The following ANKRD44 variants were observed in gnomAD, a reference collection of about 807,000 sequenced individuals.
The protein encoded by ANKRD44 is serine/threonine-protein phosphatase 6 regulatory ankyrin repeat subunit B.
In ANKRD44, 35 loss-of-function variants were observed where a neutral mutation model predicts 116.0. The ratio of observed to expected loss-of-function variants is 0.30; its 90% CI spans 0.23 to 0.40. ANKRD44 has a LOEUF of 0.40. Ranked by LOEUF, ANKRD44 falls within the 10% of genes least tolerant of loss-of-function variation. ANKRD44 has a pLI of 1.00. For missense variants in ANKRD44, 1,014 were observed against 1,242.6 expected, an observed-to-expected ratio of 0.82 and a Z score of 2.77; for synonymous variants, 435 against 461.8, an observed-to-expected ratio of 0.94 and a Z score of 0.74.
At chr2:197,094,480 T>C (rs10200931) in intron 10 of ANKRD44, among the ~76,000 whole-genome samples, 1 of 152,302 alleles carries the variant, frequency 6.6e-6, no homozygotes, top group East Asian at 1.9e-4. Flanking sequence ...TAATCAGCAG[T>C]ACATGAGTTT....
At chr2:196,991,899 A>G (rs2075924704) in intron 27 of ANKRD44, among the ~76,000 whole-genome samples, 1 of 152,168 alleles carries the variant, frequency 6.6e-6, no homozygotes, top group South Asian at 2.1e-4. Flanking sequence ...GCCTAACAGA[A>G]TATTTAAAAA....
At chr2:197,033,509 G>C (rs562836861) in intron 16 of ANKRD44, among the ~76,000 whole-genome samples, 3 of 152,252 alleles carry the variant, frequency 2.0e-5, no homozygotes, top group Admixed American at 6.5e-5. Flanking sequence ...AGCCAGTAAA[G>C]GACAGACTAG....
At chr2:196,979,554 C>CTTTTTTTTTTTTTTTTTTTTTTTTTT (rs71012942) in intron 21 of ANKRD44, among the ~76,000 whole-genome samples, 2 of 59,644 alleles carry the variant, frequency 3.4e-5, no homozygotes, top group Non-Finnish European at 6.0e-5. Flanking sequence ...AATAAGATGA[C>CTTTTTTTTTTTTTTTTTTTTTTTTTT]TTTTTTTTTT....
At chr2:196,989,717 T>C (rs532534002) in intron 27 of ANKRD44, 68 bp from the exon 28 acceptor site, 367 of 1,541,814 alleles carry the variant, frequency 2.4e-4, no homozygotes, top group Middle Eastern at 1.3e-3. Flanking sequence ...GGCAATCGGT[T>C]TTACATGCTA....
chr2:197,044,096 T>C (rs1021317831), intron 16 of ANKRD44, among the ~76,000 whole-genome samples: 1 of 152,242 alleles, frequency 6.6e-6, no homozygotes, highest in Non-Finnish European at 1.5e-5. Flanking sequence ...TTCTTGGAAT[T>C]TTATTTATTA....
intron 7 of ANKRD44, among the ~76,000 whole-genome samples, chr2:197,122,038 A>T (rs563007834): frequency 4.6e-5 from 7 of 152,232 alleles, no homozygotes; most frequent in Non-Finnish European, 8.8e-5. Context: ...CCGACACCTC[A>T]CCAGGTTGCA....
chr2:197,108,335 T>C (rs1343487677), intron 9 of ANKRD44, among the ~76,000 whole-genome samples: 1 of 152,236 alleles, frequency 6.6e-6, no homozygotes, highest in Non-Finnish European at 1.5e-5. Context: ...CTATGAACAC[T>C]TGGCTTTATC....
At chr2:197,080,693 C>T (rs2077773449) in intron 15 of ANKRD44, among the ~76,000 whole-genome samples, 1 of 152,232 alleles carries the variant, frequency 6.6e-6, no homozygotes, top group African/African-American at 2.4e-5. Context: ...GTCCCACAAC[C>T]TGCATTGGAG....
intron 1 of ANKRD44, among the ~76,000 whole-genome samples, chr2:197,279,235 G>GGGTC (rs1393509034): frequency 1.3e-5 from 2 of 152,128 alleles, no homozygotes; most frequent in Non-Finnish European, 2.9e-5. Flanking sequence ...AAAACTGTGA[G>GGGTC]GGTCAGTTCC....
chr2:197,248,572 G>GTATATATATATATATATA (rs1385952729), intron 1 of ANKRD44, among the ~76,000 whole-genome samples: 3 of 109,688 alleles, frequency 2.7e-5, no homozygotes, highest in African/African-American at 9.4e-5. Context: ...GTGTGTGTGT[G>GTATATATATATATATATA]TGTGTGTATA....
intron 22 of ANKRD44, 26 bp from the exon 23 acceptor site, chr2:197,000,528 A>G (rs771644752): frequency 6.4e-7 from 1 of 1,571,976 alleles, no homozygotes; most frequent in Non-Finnish European, 8.8e-7. Context: ...GTTTTAATGT[A>G]ACAATCTCAC....
intron 17 of ANKRD44, among the ~76,000 whole-genome samples, chr2:197,020,988 T>G (rs1280020689): frequency 1.3e-5 from 2 of 151,954 alleles, no homozygotes; most frequent in East Asian, 1.9e-4. Context: ...TGATGTTCCC[T>G]GCCCTGTGTC....
chr2:197,103,999 T>A (rs1230956211), intron 9 of ANKRD44, among the ~76,000 whole-genome samples: 3 of 152,194 alleles, frequency 2.0e-5, no homozygotes, highest in African/African-American at 4.8e-5. Flanking sequence ...ATCTAGAGAA[T>A]TTACTTAGCA....
chr2:196,981,278 C>T (rs1322133286), intron 21 of ANKRD44, among the ~76,000 whole-genome samples: 1 of 152,204 alleles, frequency 6.6e-6, no homozygotes, highest in Non-Finnish European at 1.5e-5. Flanking sequence ...ATTAAAAGCA[C>T]CACAGTTCCA....
intron 18 of ANKRD44, among the ~76,000 whole-genome samples, chr2:197,010,324 TTC>T (rs1007391098): frequency 2.6e-5 from 4 of 152,036 alleles, no homozygotes; most frequent in African/African-American, 9.7e-5. Context: ...AGGCGGCGCT[TTC>T]TCTGACTTCC....
intron 21 of ANKRD44, 56 bp from the exon 22 acceptor site, chr2:197,001,896 C>A: frequency 7.4e-7 from 1 of 1,349,032 alleles, no homozygotes; most frequent in South Asian, 1.2e-5. Flanking sequence ...TTGTTCAACC[C>A]AATCTGCTTT....
intron 1 of ANKRD44, among the ~76,000 whole-genome samples, chr2:197,189,115 T>C (rs769007936): frequency 6.6e-6 from 1 of 152,212 alleles, no homozygotes; most frequent in Non-Finnish European, 1.5e-5. Context: ...TATGTTGCTG[T>C]TTATTGCTAG....
chr2:197,300,697 T>C (rs1439934843), intron 1 of ANKRD44, among the ~76,000 whole-genome samples: 4 of 151,944 alleles, frequency 2.6e-5, no homozygotes, highest in African/African-American at 9.6e-5. Context: ...CTTGCCCAGA[T>C]GTGACTCCCA....
In ANKRD44 at chr2:197,088,816, C is replaced by G. The variant is rs772850802; in HGVS notation, c.1184-42G>C. 17 of 1,601,432 alleles carry G rather than the reference C, an allele frequency of 1.1e-5. No homozygotes were observed. The South Asian group carries it at 1.9e-4, about 18-fold the overall frequency. On this transcript the variant is annotated intron_variant, in intron 11 of 27. Coordinates refer to ENST00000282272, the MANE Select transcript of ANKRD44 (RefSeq NM_001195144.2). ...CTCATTACTAAACAAGGATACTATG[C>G]TATACTTTTGTCCTAGTTAAACCAC... is the stretch of plus-strand genomic sequence containing the variant.
Sources: gnomAD v4.1 joint callset for allele counts (sites outside exome capture counted in the v4.1 genomes callset) on GRCh38, gnomAD v4.1.1 for gene constraint, MANE v1.5 for transcripts, NCBI Gene and HGNC (gene_info 2026-07-23, HGNC 2026-07-21) for gene names.